The following TAF1 variants were observed in gnomAD, a reference collection of about 807,000 sequenced individuals.
The protein encoded by TAF1 is TATA-box binding protein associated factor 1, also known as transcription initiation factor TFIID subunit 1.
In TAF1, 2 loss-of-function variants were observed where a neutral mutation model predicts 138.5. The observed-to-expected ratio is 0.01, with a 90% CI of 0.01 to 0.05. The LOEUF (loss-of-function observed/expected upper bound fraction) is 0.05, where lower values mean the gene tolerates loss of function less well. Ranked by LOEUF, TAF1 falls within the 10% of genes least tolerant of loss-of-function variation. TAF1 has a pLI of 1.00. For missense variants in TAF1, 709 were observed against 1,478.0 expected (o/e 0.48, Z 8.53); for synonymous variants, 437 against 503.2 (o/e 0.87, Z 1.76).
intron 14 of TAF1, among the ~76,000 whole-genome samples, chrX:71,386,391 C>T (rs1257022413): frequency 9.0e-6 from 1 of 111,640 alleles, no homozygotes; most frequent in East Asian, 2.8e-4. Context: ...GTCCTCTGTC[C>T]TACTGTCTTG....
intron 24 of TAF1, among the ~76,000 whole-genome samples, chrX:71,398,950 C>CT (rs762779046): frequency 2.7e-5 from 3 of 111,093 alleles, no homozygotes; most frequent in Non-Finnish European, 3.8e-5. Context: ...TTCTCTCTCT[C>CT]TTTTTTTTAG....
rs376381246 is a variant in TAF1, at chrX:71,406,624, T to G, written c.3999-14T>G. 22 of 1,196,417 alleles carry G rather than the reference T, an allele frequency of 1.8e-5. No homozygotes were observed. Among genetic ancestry groups the G allele is most frequent in the Non-Finnish European group, 2.5e-5 (22 of 884,858 alleles). ...AAATAGGGGCTGTATCTAACTAAAG[T>G]GTTTTGATTTTAGTGCGGATGAGGT... On this transcript the variant is annotated splice_polypyrimidine_tract_variant and intron_variant, in intron 25 of 37. Coordinates refer to ENST00000423759, the MANE Select transcript of TAF1 (RefSeq NM_004606.5).
chrX:71,419,970 C>T (rs2036243168), intron 28 of TAF1: 1 of 245,352 alleles, frequency 4.1e-6, no homozygotes, highest in Non-Finnish European at 7.3e-6. Flanking sequence ...TAAAAAAATA[C>T]TTTTTTCCCA....
At chrX:71,475,116 G>T (rs1332560460) in intron 13 of TAF1, among the ~76,000 whole-genome samples, 2 of 111,419 alleles carry the variant, frequency 1.8e-5, no homozygotes, top group Admixed American at 9.6e-5. Context: ...TGAGATGTCT[G>T]GGAGACATCC....
intron 25 of TAF1, among the ~76,000 whole-genome samples, chrX:71,405,675 A>G (rs28382189): frequency 0.019 from 2,177 of 111,959 alleles, 54 homozygotes; most frequent in African/African-American, 0.067. Context: ...TTTAATTACT[A>G]ATATCCGTAA....
Position 71,462,305 on chromosome X carries a change from C to T in TAF1, c.5399+1502C>T, listed in dbSNP as rs755645593. Among the ~76,000 whole-genome samples, 5 of 106,606 alleles carry T rather than the reference C, an allele frequency of 4.7e-5. No homozygotes were observed. In the South Asian group the frequency reaches 1.1e-3, roughly 24 times the overall value. The allele number at this position is 106,606 out of a possible 115,157, so 92.6% of individuals were successfully genotyped here. A position where few individuals can be genotyped will look rare whatever the true frequency, so the allele number is the denominator to read the frequency against. On this transcript the variant is annotated intron_variant, in intron 37 of 37. Transcript: ENST00000423759. ...TGAAAAAATAACTTCCAGCCGGGCG[C>T]GGTGGCTCATGCCTAAAATCCCAGC...
chrX:71,388,577 T>C (rs2034377486), intron 16 of TAF1, 161 bp from the exon 17 acceptor site: 1 of 907,748 alleles, frequency 1.1e-6, no homozygotes, highest in Non-Finnish European at 1.5e-6. Flanking sequence ...ATATCTTCTA[T>C]GAGTTGTAGG....
chrX:71,417,038 A>AT (rs1479360585), intron 28 of TAF1, among the ~76,000 whole-genome samples: 1 of 109,783 alleles, frequency 9.1e-6, no homozygotes, highest in East Asian at 2.8e-4. Context: ...AAAAAAAAAA[A>AT]ATTTCATATT....
chrX:71,378,844 A>G lies in TAF1; in HGVS notation c.1173A>G (p.Glu391=), dbSNP rs2033668139. ...RMIEEFRKLE[E]NNGTDLLADE... is the part of the protein sequence containing the mutation. The stretch of plus-strand genomic sequence containing the variant: ...CACAGGAATTTAGGAAACTTGAGGA[A>G]AACAATGGCACTGATCTTCTGGCTG... Residue 391 remains glutamate (E), a synonymous_variant, in exon 8 of 38, where the codon GAA becomes GAG. Coordinates refer to ENST00000423759, the MANE Select transcript of TAF1 (RefSeq NM_004606.5). The G allele has an allele frequency of 8.3e-7, 1 of 1,209,575 alleles. No individual in the cohort carries two copies. The highest frequency in any genetic ancestry group is 1.1e-6 in the Non-Finnish European group (1 of 895,225).
exon 15 of TAF1, chrX:71,530,042 A>G (rs924852020): frequency 6.0e-6 from 1 of 167,164 alleles, no homozygotes; most frequent in African/African-American, 3.1e-5. Flanking sequence ...TTCCTTTTTT[A>G]CCTTTTTCAT....
In TAF1 at chrX:71,368,497, C is replaced by T. The variant is rs2032741570; in HGVS notation, c.352+327C>T. Among the ~76,000 whole-genome samples the T allele has an allele frequency of 2.7e-5, 3 of 111,139 alleles. No individual in the cohort carries two copies. The South Asian group carries it at 1.1e-3, about 42-fold the overall frequency. Reference sequence around the variant, plus strand: ...CACTTCAAAGTTGGAAACTATGAAACAAATTCAGTTTTTGCCCTTAAGGAA... The same window carrying T: ...CACTTCAAAGTTGGAAACTATGAAATAAATTCAGTTTTTGCCCTTAAGGAA... On this transcript the variant is annotated intron_variant, in intron 3 of 37. Coordinates refer to ENST00000423759, the MANE Select transcript of TAF1 (RefSeq NM_004606.5).
intron 32 of TAF1, among the ~76,000 whole-genome samples, chrX:71,433,637 A>G (rs186773086): frequency 3.5e-4 from 39 of 111,207 alleles, no homozygotes; most frequent in African/African-American, 1.2e-3. Flanking sequence ...ATTTTTACGT[A>G]TTTGCAAAGA....
intron 13 of TAF1, among the ~76,000 whole-genome samples, chrX:71,494,128 T>C (rs2039349901): frequency 9.0e-6 from 1 of 111,290 alleles, no homozygotes; most frequent in South Asian, 3.8e-4. Flanking sequence ...CTTAAAACAT[T>C]ATGAGATTTT....
chrX:71,480,564 ATATT>A lies in TAF1; in HGVS notation c.1366+19766_1366+19769del, dbSNP rs777655433. Among the ~76,000 whole-genome samples the A allele has an allele frequency of 9.8e-4, 110 of 112,309 alleles. 1 individual carries two copies. Among genetic ancestry groups the A allele is most frequent in the Admixed American group, 2.1e-3 (22 of 10,486 alleles). On this transcript the variant is annotated intron_variant and NMD_transcript_variant, in intron 13 of 14. Coordinates refer to the TAF1 transcript ENST00000373775. Reference sequence around the variant, plus strand: ...AATAATTCATATATTCATTCAATAAATATTTATTAAGTGAATACTACGTACCAAG... The same window carrying A: ...AATAATTCATATATTCATTCAATAAATATTAAGTGAATACTACGTACCAAG...
intron 32 of TAF1, among the ~76,000 whole-genome samples, chrX:71,453,084 GGAGA>G (rs747834686): frequency 3.6e-5 from 4 of 110,396 alleles, no homozygotes; most frequent in Non-Finnish European, 7.6e-5. Flanking sequence ...TGGGGAGACG[GGAGA>G]GAGAGAGGGA....
intron 13 of TAF1, among the ~76,000 whole-genome samples, chrX:71,508,834 T>A (rs1176080531): frequency 9.5e-6 from 1 of 105,244 alleles, no homozygotes; most frequent in Non-Finnish European, 1.9e-5. Flanking sequence ...TGAGATGGGG[T>A]CTCACTCTGT....
chrX:71,476,658 CAA>C (rs747600361), intron 13 of TAF1, among the ~76,000 whole-genome samples: 5 of 92,105 alleles, frequency 5.4e-5, no homozygotes, highest in Admixed American at 1.2e-4. Flanking sequence ...CTCTCTCCCT[CAA>C]AAAAAAAAAA....
chrX:71,448,297 A>G (rs2037791735), intron 32 of TAF1, among the ~76,000 whole-genome samples: 2 of 111,495 alleles, frequency 1.8e-5, no homozygotes, highest in African/African-American at 6.5e-5. Context: ...ATTTCTTCCT[A>G]AGCTACAAAA....
At chrX:71,425,375 T>TA (rs1201527028) in intron 32 of TAF1, among the ~76,000 whole-genome samples, 1 of 111,991 alleles carries the variant, frequency 8.9e-6, no homozygotes, top group Non-Finnish European at 1.9e-5. Context: ...CTCATACCTG[T>TA]AATCTCAACA....
Sources: gnomAD v4.1 joint callset for allele counts (sites outside exome capture counted in the v4.1 genomes callset) on GRCh38, gnomAD v4.1.1 for gene constraint, MANE v1.5 for transcripts, NCBI Gene and HGNC (gene_info 2026-07-23, HGNC 2026-07-21) for gene names.